Variants in CCDC39 observed in about 807,000 individuals in gnomAD.
The protein encoded by CCDC39 is coiled-coil domain-containing protein 39.
A neutral mutation model predicts 121.0 loss-of-function variants in CCDC39; 113 were observed. The observed-to-expected ratio is 0.93, with a 90% CI of 0.80 to 1.09. The LOEUF (loss-of-function observed/expected upper bound fraction) is 1.09. Ranked by LOEUF, CCDC39 falls within the 50% of genes least tolerant of loss-of-function variation. The probability of loss-of-function intolerance (pLI) is 0.00; values close to 1 mark genes in which losing one functional copy is unlikely to be tolerated. For synonymous variants in CCDC39, 349 were observed against 352.2 expected (o/e 0.99, Z 0.10); for missense variants, 1,063 against 1,074.7 (o/e 0.99, Z 0.15).
intron 8 of CCDC39, 22 bp from the exon 9 acceptor site, chr3:180,651,555 AAGAT>A: frequency 1.3e-6 from 2 of 1,498,726 alleles, no homozygotes; most frequent in Non-Finnish European, 1.8e-6. Flanking sequence ...TTATCACAAA[AAGAT>A]AGAAAACGTG....
At position 180,654,825 on chromosome 3, in the gene CCDC39, T is replaced by C. The variant is rs1164674720; in HGVS notation, c.867A>G (p.Lys289=). The C allele has an allele frequency of 1.9e-6, 3 of 1,610,974 alleles. No homozygotes were observed. The Admixed American group carries it at 5.0e-5, about 27-fold the overall frequency. The change falls in exon 7 of 20, where the codon AAA becomes AAG. Residue 289 remains lysine (K), a synonymous_variant. Transcript: ENST00000476379. The part of the protein sequence containing the change: ...FEKRISVADR[K]LLKCRTAYQD... ...GATATGCCGTTCTACATTTTAAAAG[T>C]TTACGATCAGCCACAGAAATTCTTT...
chr3:180,650,282 AG>A (rs1233029837), intron 9 of CCDC39, among the ~76,000 whole-genome samples: 1 of 152,226 alleles, frequency 6.6e-6, no homozygotes, highest in African/African-American at 2.4e-5. Context: ...GAATTAGCAA[AG>A]TTATAGCATT....
At chr3:180,666,167 A>G (rs1190910924) in intron 1 of CCDC39, among the ~76,000 whole-genome samples, 1 of 151,998 alleles carries the variant, frequency 6.6e-6, no homozygotes, top group African/African-American at 2.4e-5. Context: ...TCCACTTTCC[A>G]TCTCTATGAA....
At chr3:180,657,512 T>C (rs1023270333) in intron 6 of CCDC39, among the ~76,000 whole-genome samples, 2 of 152,186 alleles carry the variant, frequency 1.3e-5, no homozygotes, top group Non-Finnish European at 2.9e-5. Context: ...TTTTACATTA[T>C]CAAGCCCAGA....
rs559000569 is a variant in CCDC39, at chr3:180,647,327, A to T, written c.1363-84T>A. On this transcript the variant is annotated intron_variant, in intron 10 of 19. Transcript: ENST00000476379. ...GTAAAAACAAAGTGAATACTTTCTTATGACTTTGGACTAGGCATTATCATG... is the reference window on the plus strand; with the variant it reads ...GTAAAAACAAAGTGAATACTTTCTTTTGACTTTGGACTAGGCATTATCATG... The T allele has an allele frequency of 1.2e-3, 1,504 of 1,225,154 alleles. 3 individuals carry two copies. Among genetic ancestry groups the T allele is most frequent in the Non-Finnish European group, 1.4e-3 (1,259 of 894,142 alleles). 75.9% of individuals were successfully genotyped at this position (1,225,154 alleles called of 1,614,324 possible).
intron 14 of CCDC39, among the ~76,000 whole-genome samples, chr3:180,624,592 C>G (rs1359472153): frequency 6.6e-6 from 1 of 151,910 alleles, no homozygotes; most frequent in Non-Finnish European, 1.5e-5. Context: ...CCTTTGAGTC[C>G]TGTACTTTTG....
chr3:180,618,633 C>T (rs1717337607), intron 16 of CCDC39, among the ~76,000 whole-genome samples: 1 of 152,082 alleles, frequency 6.6e-6, no homozygotes, highest in Non-Finnish European at 1.5e-5. Flanking sequence ...GTTCAATTCC[C>T]ACCTACGAGT....
intron 14 of CCDC39, among the ~76,000 whole-genome samples, chr3:180,626,650 G>A (rs1025137833): frequency 1.3e-5 from 2 of 152,184 alleles, no homozygotes; most frequent in African/African-American, 4.8e-5. Flanking sequence ...GCACGGTGTA[G>A]CATTAAACTC....
At chr3:180,634,567 G>A (rs1235114838) in intron 13 of CCDC39, among the ~76,000 whole-genome samples, 1 of 152,082 alleles carries the variant, frequency 6.6e-6, no homozygotes, top group African/African-American at 2.4e-5. Flanking sequence ...CCTCCAAGTT[G>A]GGAAAGAAAC....
In CCDC39 at chr3:180,679,280, A is replaced by G. The variant is rs1264327789; in HGVS notation, c.90+11T>C. The G allele has an allele frequency of 3.1e-6, 5 of 1,611,948 alleles. No individual in the cohort carries two copies. The East Asian group carries it at 6.7e-5, about 22-fold the overall frequency. ...TCTCTGCTTCCTCCCGCCTGCTTCA[A>G]TTGATCTCACCTGATCTTCCAGTAG... On this transcript the variant is annotated intron_variant, in intron 1 of 19. Transcript: ENST00000476379. The surrounding 1 kb of genome is among the most constrained non-coding windows in gnomAD (Gnocchi z 4.0).
chr3:180,655,679 G>T (rs1482942765), intron 6 of CCDC39, among the ~76,000 whole-genome samples: 2 of 152,054 alleles, frequency 1.3e-5, no homozygotes, highest in East Asian at 1.9e-4. Flanking sequence ...GAAGGCAGGG[G>T]TGCAAAAGGA....
intron 6 of CCDC39, among the ~76,000 whole-genome samples, chr3:180,658,162 C>A (rs1045021629): frequency 1.3e-5 from 2 of 151,342 alleles, no homozygotes; most frequent in Non-Finnish European, 2.9e-5. Flanking sequence ...TTGCTTGAAT[C>A]CGGGAGGCAG....
chr3:180,630,125 A>G lies in CCDC39; in HGVS notation c.1998+1344T>C, dbSNP rs541339766. Among the ~76,000 whole-genome samples, 4 of 152,292 alleles carry G rather than the reference A, an allele frequency of 2.6e-5. No individual in the cohort carries two copies. In the South Asian group the frequency reaches 8.3e-4, roughly 32 times the overall value. Reference sequence around the variant, plus strand: ...TCACCTACCGAAGCAGTGGTAGGATATGGATGAAGGCACACTTAACACCAG... The same window carrying G: ...TCACCTACCGAAGCAGTGGTAGGATGTGGATGAAGGCACACTTAACACCAG... On this transcript the variant is annotated intron_variant, in intron 14 of 19. Transcript: ENST00000476379.
At chr3:180,616,188 C>G in intron 19 of CCDC39, 93 bp downstream of exon 19, 1 of 1,024,994 alleles carries the variant, frequency 9.8e-7, no homozygotes, top group Non-Finnish European at 1.5e-6. Context: ...GTGCATGGGC[C>G]TGCCTAACAG....
At chr3:180,676,296 A>C (rs1576956751) in intron 1 of CCDC39, among the ~76,000 whole-genome samples, 1 of 152,358 alleles carries the variant, frequency 6.6e-6, no homozygotes, top group East Asian at 1.9e-4. Context: ...ACAAATTTAC[A>C]AGAGAAAAAC....
intron 5 of CCDC39, 25 bp from the exon 6 acceptor site, chr3:180,659,605 T>C (rs1711690132): frequency 6.2e-7 from 1 of 1,606,850 alleles, no homozygotes; most frequent in African/African-American, 1.3e-5. Context: ...GCAAAGAACA[T>C]TTCTGTGAAT....
At chr3:180,637,764 T>C (rs1469018061) in intron 13 of CCDC39, among the ~76,000 whole-genome samples, 1 of 152,120 alleles carries the variant, frequency 6.6e-6, no homozygotes, top group Non-Finnish European at 1.5e-5. Context: ...AAGAATAAGA[T>C]CTTGTGTTTC....
intron 1 of CCDC39, among the ~76,000 whole-genome samples, chr3:180,673,727 A>G (rs1712112557): frequency 6.6e-6 from 1 of 152,136 alleles, no homozygotes; most frequent in East Asian, 1.9e-4. Context: ...CAGCAGAGGA[A>G]TAAAGAGAAT....
intron 3 of CCDC39, 121 bp from the exon 4 acceptor site, chr3:180,660,849 T>C: frequency 1.4e-6 from 1 of 713,326 alleles, no homozygotes; most frequent in East Asian, 2.8e-5. Flanking sequence ...ATCCTGTCCC[T>C]GCCTTCCAGA....
Sources: allele counts gnomAD v4.1 joint callset (sites outside exome capture counted in the v4.1 genomes callset), GRCh38; gene constraint gnomAD v4.1.1; non-coding constraint Gnocchi (gnomAD v3.1); transcripts MANE v1.5; gene names NCBI Gene and HGNC (gene_info 2026-07-23, HGNC 2026-07-21).